The following KLF12 variants were observed in gnomAD, a reference collection of about 807,000 sequenced individuals.
The protein encoded by KLF12 is Krueppel-like factor 12.
A neutral mutation model predicts 37.8 loss-of-function variants in KLF12; 9 were observed. The ratio of observed to expected loss-of-function variants is 0.24; its 90% CI spans 0.14 to 0.42. The LOEUF (loss-of-function observed/expected upper bound fraction) is 0.42, where lower values mean the gene tolerates loss of function less well. Ranked by LOEUF, KLF12 falls within the 10% of genes least tolerant of loss-of-function variation. The probability of loss-of-function intolerance (pLI) is 1.00; values close to 1 mark genes in which losing one functional copy is unlikely to be tolerated. For synonymous variants in KLF12, 208 were observed against 202.1 expected (o/e 1.03, Z -0.25); for missense variants, 411 against 516.0 (o/e 0.80, Z 1.97).
intron 7 of KLF12, among the ~76,000 whole-genome samples, chr13:73,701,817 A>G (rs1053443561): frequency 2.0e-5 from 3 of 152,104 alleles, no homozygotes; most frequent in Admixed American, 6.5e-5. Context: ...ATAAATCCTT[A>G]GGCCACTTCC....
chr13:73,982,567 T>C (rs892167220), intron 2 of KLF12, among the ~76,000 whole-genome samples: 2 of 152,256 alleles, frequency 1.3e-5, no homozygotes, highest in Non-Finnish European at 2.9e-5. Flanking sequence ...AGAAATCTTG[T>C]TGCTAGATGC....
At chr13:73,932,706 C>A (rs1377370940) in intron 3 of KLF12, among the ~76,000 whole-genome samples, 1 of 152,052 alleles carries the variant, frequency 6.6e-6, no homozygotes. Flanking sequence ...ATAAAACAAA[C>A]ATATCTTATG....
intron 6 of KLF12, among the ~76,000 whole-genome samples, chr13:73,744,720 A>G (rs1475497765): frequency 3.3e-5 from 5 of 152,352 alleles, no homozygotes; most frequent in East Asian, 1.9e-4. Flanking sequence ...TAGGATGAGC[A>G]TGACAAAACG....
chr13:73,744,127 C>T (rs1463320847), intron 6 of KLF12, among the ~76,000 whole-genome samples: 2 of 152,106 alleles, frequency 1.3e-5, no homozygotes, highest in African/African-American at 4.8e-5. Context: ...AGTTAAATAC[C>T]GCTGTTAAGT....
At chr13:73,899,848 C>T (rs1927007) in intron 3 of KLF12, among the ~76,000 whole-genome samples, 152,088 of 152,236 alleles carry the variant, frequency 1, 75,970 homozygotes, top group Non-Finnish European at 1. Context: ...AGTTATACCA[C>T]TAACTTACCT....
At chr13:73,971,133 T>C (rs1481052904) in intron 2 of KLF12, among the ~76,000 whole-genome samples, 1 of 152,146 alleles carries the variant, frequency 6.6e-6, no homozygotes, top group African/African-American at 2.4e-5. Flanking sequence ...ATTTTAAAAA[T>C]ACATATTGAT....
chr13:74,303,402 C>T, the KLF12 span, among the ~76,000 whole-genome samples: 1 of 152,046 alleles, frequency 6.6e-6, no homozygotes, highest in Non-Finnish European at 1.5e-5. Flanking sequence ...CAGTATTCAC[C>T]TTGGAGGGCA....
At chr13:74,081,725 C>T (rs191508659) in intron 1 of KLF12, among the ~76,000 whole-genome samples, 1 of 152,302 alleles carries the variant, frequency 6.6e-6, no homozygotes, top group Non-Finnish European at 1.5e-5. Flanking sequence ...TATATCTTTG[C>T]ATACAGGCAT....
chr13:73,942,385 G>A (rs755673034), intron 3 of KLF12, among the ~76,000 whole-genome samples: 6 of 151,836 alleles, frequency 4.0e-5, no homozygotes, highest in South Asian at 2.1e-4. Flanking sequence ...TGAATGAGAC[G>A]CCAGGCTCTA....
intron 1 of KLF12, among the ~76,000 whole-genome samples, chr13:74,055,371 C>T (rs1214591850): frequency 6.6e-6 from 1 of 152,138 alleles, no homozygotes; most frequent in East Asian, 1.9e-4. Flanking sequence ...TGGAACACAA[C>T]AACAAATCAA....
chr13:73,736,334 T>C (rs1032173840), intron 6 of KLF12, among the ~76,000 whole-genome samples: 1 of 152,068 alleles, frequency 6.6e-6, no homozygotes, highest in African/African-American at 2.4e-5. Context: ...AAGCCTGGAG[T>C]TTCTGTAAAT....
chr13:74,281,654 A>G, the KLF12 span, among the ~76,000 whole-genome samples: 1 of 152,350 alleles, frequency 6.6e-6, no homozygotes, highest in South Asian at 2.1e-4. Flanking sequence ...TATAGAATGA[A>G]TAACATCAAA....
chr13:73,859,616 G>A (rs969960881), intron 3 of KLF12, among the ~76,000 whole-genome samples: 2 of 152,154 alleles, frequency 1.3e-5, no homozygotes, highest in Non-Finnish European at 2.9e-5. Flanking sequence ...TTAATGGCAT[G>A]ATGCAGATGT....
At chr13:73,734,163 G>T (rs1017992363) in intron 6 of KLF12, among the ~76,000 whole-genome samples, 1 of 152,106 alleles carries the variant, frequency 6.6e-6, no homozygotes, top group African/African-American at 2.4e-5. Context: ...CTGACCAAAT[G>T]TCACTTCTTC....
intron 5 of KLF12, among the ~76,000 whole-genome samples, chr13:73,773,084 G>A (rs1489396711): frequency 6.6e-6 from 1 of 152,162 alleles, no homozygotes; most frequent in East Asian, 1.9e-4. Context: ...AAGAATACAA[G>A]TTTTTAACTG....
At chr13:74,207,989 A>G in the KLF12 span, among the ~76,000 whole-genome samples, 1 of 152,310 alleles carries the variant, frequency 6.6e-6, no homozygotes, top group South Asian at 2.1e-4. Flanking sequence ...ATTGAATTAG[A>G]CATTTTTAAA....
intron 3 of KLF12, among the ~76,000 whole-genome samples, chr13:73,886,234 A>G (rs1887217668): frequency 6.6e-6 from 1 of 152,238 alleles, no homozygotes; most frequent in South Asian, 2.1e-4. Context: ...TTCTGACTAT[A>G]TAGTTAAATA....
At chr13:73,739,262 TAA>T (rs1236065079) in intron 6 of KLF12, among the ~76,000 whole-genome samples, 2 of 149,628 alleles carry the variant, frequency 1.3e-5, no homozygotes, top group Non-Finnish European at 3.0e-5. Flanking sequence ...ATAATAATAA[TAA>T]TAATAATAAT....
intron 3 of KLF12, among the ~76,000 whole-genome samples, chr13:73,878,818 TG>T (rs148880592): frequency 0.033 from 4,942 of 151,864 alleles, 239 homozygotes; most frequent in African/African-American, 0.11. Context: ...GGGAGAGCTG[TG>T]AGTAGGCAGG....
Sources: allele counts gnomAD v4.1 joint callset (sites outside exome capture counted in the v4.1 genomes callset), GRCh38; gene constraint gnomAD v4.1.1; transcripts MANE v1.5; gene names NCBI Gene and HGNC (gene_info 2026-07-23, HGNC 2026-07-21).